Variants in KLHL32 observed in about 807,000 individuals in gnomAD.
KLHL32 encodes the protein kelch-like protein 32.
A neutral mutation model predicts 64.8 loss-of-function variants in KLHL32; 35 were observed. The observed-to-expected ratio is 0.54, with a 90% CI of 0.41 to 0.72. The LOEUF (loss-of-function observed/expected upper bound fraction) is 0.72, where lower values mean the gene tolerates loss of function less well. Among genes scored for constraint, KLHL32 ranks in the 30% least tolerant of loss-of-function variants. The pLI is 0.00. For synonymous variants in KLHL32, 259 were observed against 281.0 expected, an observed-to-expected ratio of 0.92 and a Z score of 0.78; for missense variants, 589 against 768.5, an observed-to-expected ratio of 0.77 and a Z score of 2.76.
Position 97,139,386 on chromosome 6 carries a change from C to A in KLHL32, c.*104C>A. 1 of 1,006,894 alleles carries A rather than the reference C, an allele frequency of 9.9e-7. No individual in the cohort carries two copies. The highest frequency in any genetic ancestry group is 1.7e-5 in the South Asian group (1 of 57,580). 62.4% of individuals were successfully genotyped at this position (1,006,894 alleles called of 1,614,324 possible). ...TGCTTCCTTGTCTTGCTTTATAGGTCTTATATTCGGATAAATTTAAGCAAA... is the reference window on the plus strand; with the variant it reads ...TGCTTCCTTGTCTTGCTTTATAGGTATTATATTCGGATAAATTTAAGCAAA... On this transcript the variant is annotated 3_prime_UTR_variant, in exon 11 of 11. Coordinates refer to ENST00000369261, the MANE Select transcript of KLHL32 (RefSeq NM_052904.4).
chr6:97,025,024 G>C (rs1266691740), intron 3 of KLHL32: 1 of 985,056 alleles, frequency 1.0e-6, no homozygotes, highest in African/African-American at 1.7e-5. Flanking sequence ...TCATCCAAAA[G>C]AAGACCACAT....
chr6:97,085,521 C>T (rs1333193462), intron 6 of KLHL32, among the ~76,000 whole-genome samples, 180 bp downstream of exon 6: 1 of 152,200 alleles, frequency 6.6e-6, no homozygotes, highest in East Asian at 1.9e-4. Context: ...GGCTCAGAGC[C>T]CTCAGCGGAC....
intron 8 of KLHL32, among the ~76,000 whole-genome samples, chr6:97,129,466 T>A (rs1799210561): frequency 6.6e-6 from 1 of 152,204 alleles, no homozygotes. Flanking sequence ...TCATATTTGG[T>A]CTTCATTTAA....
At chr6:97,134,068 GA>G (rs1293046978) in intron 10 of KLHL32, among the ~76,000 whole-genome samples, 2 of 151,598 alleles carry the variant, frequency 1.3e-5, no homozygotes, top group Admixed American at 1.3e-4. Flanking sequence ...ATGGGTTAAA[GA>G]AGAAATCATA....
At chr6:97,066,094 G>T (rs1789698234) in intron 5 of KLHL32, among the ~76,000 whole-genome samples, 1 of 152,128 alleles carries the variant, frequency 6.6e-6, no homozygotes, top group East Asian at 1.9e-4. Flanking sequence ...CATGTAGAAA[G>T]GTTATAAGAC....
chr6:97,027,878 T>A (rs736450), intron 3 of KLHL32, among the ~76,000 whole-genome samples: 12,238 of 152,170 alleles, frequency 0.08, 1,037 homozygotes, highest in Admixed American at 0.22. Flanking sequence ...TAGGAGACTC[T>A]AGAGCTGTTA....
At chr6:97,122,780 T>C (rs1469366429) in intron 7 of KLHL32, among the ~76,000 whole-genome samples, 1 of 152,222 alleles carries the variant, frequency 6.6e-6, no homozygotes, top group Non-Finnish European at 1.5e-5. Flanking sequence ...CTGTTTTGCA[T>C]ATGAGGAAGC....
intron 7 of KLHL32, among the ~76,000 whole-genome samples, chr6:97,115,615 C>T (rs1248349385): frequency 6.6e-6 from 1 of 152,184 alleles, no homozygotes; most frequent in African/African-American, 2.4e-5. Context: ...CAGAAGGAGT[C>T]TGTGAGGCAT....
At chr6:96,904,536 T>C in the KLHL32 span, among the ~76,000 whole-genome samples, 2 of 152,180 alleles carry the variant, frequency 1.3e-5, no homozygotes, top group East Asian at 3.9e-4. Context: ...GGTTCCTTGA[T>C]GCAAAGTCTG....
At chr6:96,938,607 T>C (rs980775730) in intron 1 of KLHL32, among the ~76,000 whole-genome samples, 1 of 152,140 alleles carries the variant, frequency 6.6e-6, no homozygotes, top group Admixed American at 6.5e-5. Context: ...CTTTGGCTGC[T>C]TGTAGCTTCC....
At chr6:97,032,601 A>G (rs1177903078) in intron 3 of KLHL32, among the ~76,000 whole-genome samples, 1 of 152,122 alleles carries the variant, frequency 6.6e-6, no homozygotes, top group African/African-American at 2.4e-5. Flanking sequence ...CTGCAGTTTA[A>G]GCTATTTTGA....
the KLHL32 span, among the ~76,000 whole-genome samples, chr6:96,902,284 A>T: frequency 6.6e-6 from 1 of 152,176 alleles, no homozygotes; most frequent in Non-Finnish European, 1.5e-5. Flanking sequence ...CATTTTAATA[A>T]TAGCCATTCT....
At chr6:97,063,484 A>T (rs1208538557) in intron 4 of KLHL32, among the ~76,000 whole-genome samples, 1 of 152,232 alleles carries the variant, frequency 6.6e-6, no homozygotes, top group East Asian at 1.9e-4. Context: ...AAAGGTACTG[A>T]TACAGATGTA....
intron 5 of KLHL32, among the ~76,000 whole-genome samples, chr6:97,082,996 C>G (rs989998673): frequency 1.3e-5 from 2 of 152,168 alleles, no homozygotes; most frequent in African/African-American, 2.4e-5. Context: ...TGCTCTCCCC[C>G]GCAACCTACT....
At chr6:96,920,127 G>T (rs902183560), upstream of KLHL32, among the ~76,000 whole-genome samples, 17 of 152,160 alleles carry the variant, frequency 1.1e-4, no homozygotes, top group Non-Finnish European at 2.2e-4. Flanking sequence ...GCTTCCCTGG[G>T]CTGGGATGAT....
At chr6:97,099,586 T>G (rs1795431324) in intron 6 of KLHL32, among the ~76,000 whole-genome samples, 1 of 152,174 alleles carries the variant, frequency 6.6e-6, no homozygotes. Flanking sequence ...CTCTCTTCTC[T>G]CATGAGTCTT....
intron 1 of KLHL32, among the ~76,000 whole-genome samples, chr6:96,965,811 T>G (rs1379698919): frequency 6.6e-6 from 1 of 152,194 alleles, no homozygotes; most frequent in Non-Finnish European, 1.5e-5. Context: ...ACTTTTAGGT[T>G]TGTCCAGACT....
chr6:96,983,056 C>G (rs1369925980), intron 3 of KLHL32, among the ~76,000 whole-genome samples: 3 of 152,254 alleles, frequency 2.0e-5, no homozygotes, highest in East Asian at 1.9e-4. Flanking sequence ...TACGTCCCAT[C>G]AATACCTAAT....
intron 6 of KLHL32, among the ~76,000 whole-genome samples, chr6:97,106,823 T>C (rs1421763198): frequency 6.6e-6 from 1 of 152,208 alleles, no homozygotes; most frequent in Non-Finnish European, 1.5e-5. Flanking sequence ...CATGTCCTTT[T>C]CCCTCAGTAT....
Sources: gnomAD v4.1 joint callset for allele counts (sites outside exome capture counted in the v4.1 genomes callset) on GRCh38, gnomAD v4.1.1 for gene constraint, MANE v1.5 for transcripts, NCBI Gene and HGNC (gene_info 2026-07-23, HGNC 2026-07-21) for gene names.